The following UACA variants were observed in gnomAD, a reference collection of about 807,000 sequenced individuals.
The protein encoded by UACA is nuclear membrane binding protein.
UACA carries 112 observed loss-of-function variants against 160.5 expected under a neutral mutation model. That is an observed-to-expected ratio of 0.70 (90% CI 0.60 to 0.82). The LOEUF is 0.82. Ranked by LOEUF, UACA falls within the 40% of genes least tolerant of loss-of-function variation. UACA has a pLI of 0.00. For synonymous variants in UACA, 557 were observed against 568.4 expected (o/e 0.98, Z 0.29); for missense variants, 1,574 against 1,614.6 (o/e 0.97, Z 0.43).
chr15:70,762,497 T>A (rs1013217170), intron 1 of UACA, among the ~76,000 whole-genome samples: 2 of 152,186 alleles, frequency 1.3e-5, no homozygotes, highest in African/African-American at 4.8e-5. Context: ...ATTATCTAAA[T>A]CACAACATCT....
intron 13 of UACA, among the ~76,000 whole-genome samples, chr15:70,675,466 C>A (rs1273080472): frequency 6.6e-6 from 1 of 152,130 alleles, no homozygotes; most frequent in Non-Finnish European, 1.5e-5. Context: ...TTATACACAA[C>A]CCAGATTAAG....
Position 70,763,362 on chromosome 15 carries a change from G to A in UACA, c.46C>T (p.Pro16Ser). The change falls in exon 1 of 19, where the codon CCC (proline) becomes TCC (serine). Residue 16 changes from proline (P) to serine (S), a missense_variant. Coordinates refer to ENST00000322954, the MANE Select transcript of UACA (RefSeq NM_018003.4). The stretch of plus-strand genomic sequence containing the variant: ...GCGGCGGCGGCGCCAGACGACGCGG[G>A]GCCGGGCACGTCCTGCCTCCTCAGG... ...SRLRRQDVPG[P>S]ASSGAAAASA... The A allele has an allele frequency of 1.5e-6, 2 of 1,336,010 alleles. No individual in the cohort carries two copies. 82.8% of individuals were successfully genotyped at this position (1,336,010 alleles called of 1,614,324 possible).
intron 1 of UACA, among the ~76,000 whole-genome samples, chr15:70,725,444 G>T (rs1899115523): frequency 6.6e-6 from 1 of 152,134 alleles, no homozygotes; most frequent in African/African-American, 2.4e-5. Flanking sequence ...GCACTACTCA[G>T]TAATATAAGA....
intron 1 of UACA, chr15:70,702,060 T>G: frequency 7.2e-7 from 1 of 1,380,312 alleles, no homozygotes; most frequent in South Asian, 1.8e-5. Context: ...AGCTTGGATC[T>G]CTAACGATAT....
At chr15:70,659,395 G>GTTTGTTTTTT (rs1896607026) in intron 18 of UACA, among the ~76,000 whole-genome samples, 9 of 18,814 alleles carry the variant, frequency 4.8e-4, no homozygotes, top group African/African-American at 9.2e-4. Context: ...TTTTTTGTTT[G>GTTTGTTTTTT]TTTTTTTTTT....
intron 1 of UACA, among the ~76,000 whole-genome samples, chr15:70,717,098 G>A (rs1052855719): frequency 2.0e-5 from 3 of 152,166 alleles, no homozygotes; most frequent in Non-Finnish European, 4.4e-5. Context: ...GCGCATGCCT[G>A]TAATCCCAGC....
intron 4 of UACA, among the ~76,000 whole-genome samples, chr15:70,690,795 A>G (rs1897908081): frequency 6.6e-6 from 1 of 152,128 alleles, no homozygotes; most frequent in Non-Finnish European, 1.5e-5. Flanking sequence ...TTCCACCAAG[A>G]ATTAAAACTT....
intron 1 of UACA, among the ~76,000 whole-genome samples, chr15:70,753,749 C>T (rs1216245715): frequency 6.6e-6 from 1 of 152,238 alleles, no homozygotes; most frequent in Admixed American, 6.5e-5. Flanking sequence ...CTAGCATTTA[C>T]TGAGTACTTC....
chr15:70,758,595 T>C (rs1396564570), intron 1 of UACA: 3 of 152,196 alleles, frequency 2.0e-5, no homozygotes, highest in South Asian at 2.1e-4. Flanking sequence ...AAATCATGTT[T>C]AATCCTTTAT....
intron 1 of UACA, among the ~76,000 whole-genome samples, chr15:70,706,520 A>T (rs62664060): frequency 0.027 from 2,484 of 90,348 alleles, 33 homozygotes; most frequent in Non-Finnish European, 0.03. Flanking sequence ...CTTATTTGTT[A>T]AAAAAAAAAA....
At chr15:70,777,034 A>G in the UACA span, among the ~76,000 whole-genome samples, 1 of 152,208 alleles carries the variant, frequency 6.6e-6, no homozygotes, top group Non-Finnish European at 1.5e-5. Flanking sequence ...AAACCACATC[A>G]TCGTTTTGCA....
At position 70,656,915 on chromosome 15, in the gene UACA, T is replaced by A. The variant is rs575622216; in HGVS notation, c.*141A>T. The stretch of plus-strand genomic sequence containing the variant: ...AAAGACTAACATATTCATCTAATTT[T>A]AAAAAAAAACCTACCAATAGAACAA... On this transcript the variant is annotated 3_prime_UTR_variant, in exon 19 of 19. Transcript: ENST00000322954. 987 of 522,796 alleles carry A rather than the reference T, an allele frequency of 1.9e-3. 11 individuals carry two copies. The highest frequency in any genetic ancestry group is 4.8e-3 in the East Asian group (159 of 32,890). 32.4% of individuals were successfully genotyped at this position (522,796 alleles called of 1,614,324 possible). A position where few individuals can be genotyped will look rare whatever the true frequency, so the allele number is the denominator to read the frequency against.
At chr15:70,660,518 T>G (rs746443441) in intron 17 of UACA, 1 of 304,214 alleles carries the variant, frequency 3.3e-6, no homozygotes, top group African/African-American at 2.2e-5. Context: ...TCTGGATTAT[T>G]GCAAACGCTT....
chr15:70,726,635 T>C (rs895503705), intron 1 of UACA, among the ~76,000 whole-genome samples: 9 of 152,144 alleles, frequency 5.9e-5, no homozygotes, highest in Non-Finnish European at 1.0e-4. Context: ...AGAATACTAA[T>C]GAAAGGGAAT....
intron 18 of UACA, among the ~76,000 whole-genome samples, chr15:70,659,395 G>GTTTTTTGTTTGTTT (rs1896607591): frequency 5.3e-5 from 1 of 18,818 alleles, no homozygotes; most frequent in Non-Finnish European, 9.6e-5. Context: ...TTTTTTGTTT[G>GTTTTTTGTTTGTTT]TTTTTTTTTT....
rs144820825 is a variant in UACA, at chr15:70,667,899, C to T, written c.2785G>A (p.Glu929Lys). The change falls in exon 16 of 19, where the codon GAG becomes AAG. Residue 929 changes from glutamate (E) to lysine (K), a missense_variant. Coordinates refer to ENST00000322954, the MANE Select transcript of UACA (RefSeq NM_018003.4). ...KAEYISLAEH[E>K]AKMSSLSQSM... ...TGACTTAGCGAGCTCATCTTTGCCT[C>T]GTGCTCTGCCAGGCTGATGTACTCA... 236 of 1,613,836 alleles carry T rather than the reference C, an allele frequency of 1.5e-4. 1 individual carries two copies. Among genetic ancestry groups the T allele is most frequent in the East Asian group, 2.0e-4 (9 of 44,888 alleles).
chr15:70,757,321 T>G (rs1381385062), intron 1 of UACA, among the ~76,000 whole-genome samples: 1 of 152,218 alleles, frequency 6.6e-6, no homozygotes, highest in Non-Finnish European at 1.5e-5. Context: ...TAGGTGGTAA[T>G]AAGTATTTCC....
At position 70,763,552 on chromosome 15, in the gene UACA, C is replaced by A. The variant is rs903561736; in HGVS notation, c.-145G>T. 13 of 1,242,026 alleles carry A rather than the reference C, an allele frequency of 1.0e-5. No homozygotes were observed. The African/African-American group carries it at 2.0e-4, about 19-fold the overall frequency. The allele number at this position is 1,242,026 out of a possible 1,614,324, so 76.9% of individuals were successfully genotyped here. A position where few individuals can be genotyped will look rare whatever the true frequency, so the allele number is the denominator to read the frequency against. On this transcript the variant is annotated 5_prime_UTR_variant, in exon 1 of 19. Transcript: ENST00000322954. ...CCACCTGCGGGCCCCGGGCAGCAGA[C>A]GTCGACAGGCCTGAGGCGGGGCTCC...
At chr15:70,736,280 G>GTAAGT (rs1472920636) in intron 1 of UACA, among the ~76,000 whole-genome samples, 2 of 152,264 alleles carry the variant, frequency 1.3e-5, no homozygotes, top group African/African-American at 4.8e-5. Context: ...TTTGGCACGA[G>GTAAGT]TAAGTAGTTT....
Sources: gnomAD v4.1 joint callset for allele counts (sites outside exome capture counted in the v4.1 genomes callset) on GRCh38, gnomAD v4.1.1 for gene constraint, MANE v1.5 for transcripts, NCBI Gene and HGNC (gene_info 2026-07-23, HGNC 2026-07-21) for gene names.